PDZRN3: variants seen among roughly 807,000 people sequenced by gnomAD.
PDZRN3 encodes E3 ubiquitin-protein ligase PDZRN3.
Under a neutral mutation model 85.7 loss-of-function variants are expected in PDZRN3, and 38 were observed. The ratio of observed to expected loss-of-function variants is 0.44; its 90% CI spans 0.34 to 0.58. PDZRN3 has a LOEUF of 0.58. Among genes scored for constraint, PDZRN3 ranks in the 20% least tolerant of loss-of-function variants. The pLI is 0.01. For synonymous variants in PDZRN3, 759 were observed against 638.0 expected, an observed-to-expected ratio of 1.19 and a Z score of -2.86; for missense variants, 1,629 against 1,506.4, an observed-to-expected ratio of 1.08 and a Z score of -1.35.
intron 3 of PDZRN3, among the ~76,000 whole-genome samples, chr3:73,511,781 T>C (rs1378248483): frequency 2.0e-5 from 3 of 152,218 alleles, no homozygotes; most frequent in Admixed American, 6.5e-5. Context: ...CTCATTGTGC[T>C]TGGTTTAAAA....
At chr3:73,390,958 A>AG (rs1701512339) in intron 6 of PDZRN3, 60 bp downstream of exon 6, 6 of 975,652 alleles carry the variant, frequency 6.1e-6, no homozygotes, top group East Asian at 5.4e-5. Context: ...GGTGAACATG[A>AG]AAAAAAAAAC....
rs746611865 is a variant in PDZRN3, at chr3:73,383,934, G to T, written c.2632C>A (p.Gln878Lys). 1.0e-5 allele frequency: 16 copies of T among 1,607,714 alleles called. 1 individual carries two copies. The highest frequency in any genetic ancestry group is 1.4e-5 in the Non-Finnish European group (16 of 1,177,382). Residue 878 changes from glutamine to lysine, a missense_variant, in exon 10 of 10, where the codon CAG (glutamine) becomes AAG (lysine). By Grantham distance (53) the Gln-to-Lys change is moderately conservative (BLOSUM62 1). Transcript: ENST00000263666. ...YKHAHIPAHA[Q>K]HYQSYMQLIQ... ...AGCTGCATGTAGCTCTGGTAGTGCTGGGCGTGCGCCGGGATGTGCGCGTGC... is the reference window on the plus strand; with the variant it reads ...AGCTGCATGTAGCTCTGGTAGTGCTTGGCGTGCGCCGGGATGTGCGCGTGC...
chr3:73,413,402 A>C (rs1702011766), intron 3 of PDZRN3, among the ~76,000 whole-genome samples: 1 of 152,194 alleles, frequency 6.6e-6, no homozygotes, highest in Non-Finnish European at 1.5e-5. Flanking sequence ...TATGACACTG[A>C]ACGCCACACA....
chr3:73,427,117 T>C (rs1326526977), intron 3 of PDZRN3, among the ~76,000 whole-genome samples: 2 of 152,220 alleles, frequency 1.3e-5, no homozygotes, highest in Admixed American at 6.5e-5. Context: ...TTCCCTGAAG[T>C]TCACCAATGA....
chr3:73,579,357 C>A (rs1041110077), intron 3 of PDZRN3, among the ~76,000 whole-genome samples: 4 of 152,070 alleles, frequency 2.6e-5, no homozygotes, highest in African/African-American at 9.7e-5. Context: ...ATTATAACAA[C>A]CTACATAGAT....
rs1703244976 is a variant in PDZRN3, at chr3:73,467,534, C to G, written c.919-63139G>C. Among the ~76,000 whole-genome samples, 3 of 152,322 alleles carry G rather than the reference C, an allele frequency of 2.0e-5. No homozygotes were observed. In the South Asian group the frequency reaches 6.2e-4, roughly 32 times the overall value. ...AGGAAAGGCAGGCCTTGAGTTAACA[C>G]TGAGTCCCATAGCAAGAGGGTTTGG... On this transcript the variant is annotated intron_variant, in intron 3 of 9. Coordinates refer to ENST00000263666, the MANE Select transcript of PDZRN3 (RefSeq NM_015009.3).
intron 3 of PDZRN3, among the ~76,000 whole-genome samples, chr3:73,435,384 G>A (rs1237785870): frequency 6.6e-6 from 1 of 152,198 alleles, no homozygotes; most frequent in Non-Finnish European, 1.5e-5. Flanking sequence ...CACAGATGGG[G>A]CGGGGCAGCT....
chr3:73,450,509 G>A (rs778882248), intron 3 of PDZRN3, among the ~76,000 whole-genome samples: 6 of 152,146 alleles, frequency 3.9e-5, no homozygotes, highest in Non-Finnish European at 8.8e-5. Flanking sequence ...AATAAGTCAC[G>A]ATTCATTTTC....
At chr3:73,562,981 A>T (rs139588426) in intron 3 of PDZRN3, among the ~76,000 whole-genome samples, 2,101 of 57,532 alleles carry the variant, frequency 0.037, 53 homozygotes, top group Non-Finnish European at 0.047. Context: ...CAAGTTGGCA[A>T]ATTATATATA....
chr3:73,578,817 G>A (rs371044739), intron 3 of PDZRN3, among the ~76,000 whole-genome samples: 1 of 152,102 alleles, frequency 6.6e-6, no homozygotes, highest in Non-Finnish European at 1.5e-5. Context: ...TAATGAAGTG[G>A]AAAGAGTTTA....
At chr3:73,547,764 A>C (rs2106796505) in intron 3 of PDZRN3, among the ~76,000 whole-genome samples, 1 of 152,308 alleles carries the variant, frequency 6.6e-6, no homozygotes, top group African/African-American at 2.4e-5. Context: ...GCTGAAGCTA[A>C]GTCCACTGCA....
chr3:73,588,413 T>C (rs1356532237), intron 3 of PDZRN3, among the ~76,000 whole-genome samples: 1 of 152,216 alleles, frequency 6.6e-6, no homozygotes, highest in Non-Finnish European at 1.5e-5. Context: ...TTTATCCAAA[T>C]GTAACATAAA....
intron 3 of PDZRN3, among the ~76,000 whole-genome samples, chr3:73,554,593 C>G (rs1200263613): frequency 6.6e-6 from 1 of 152,172 alleles, no homozygotes; most frequent in Non-Finnish European, 1.5e-5. Context: ...ATACCATGGA[C>G]TGTCACACTG....
chr3:73,592,707 C>A (rs1425053937), intron 3 of PDZRN3, among the ~76,000 whole-genome samples: 1 of 152,146 alleles, frequency 6.6e-6, no homozygotes, highest in African/African-American at 2.4e-5. Context: ...AATCATTAAT[C>A]CTCATTAGAA....
intron 1 of PDZRN3, among the ~76,000 whole-genome samples, chr3:73,611,426 G>A (rs189101947): frequency 5.7e-4 from 87 of 152,298 alleles, no homozygotes; most frequent in Admixed American, 1.0e-3. Flanking sequence ...GAACAACTAA[G>A]CTGACCTTCT....
At chr3:73,559,891 T>C (rs924633884) in intron 3 of PDZRN3, among the ~76,000 whole-genome samples, 1 of 152,226 alleles carries the variant, frequency 6.6e-6, no homozygotes, top group Non-Finnish European at 1.5e-5. Flanking sequence ...AGTTCTTCCT[T>C]AGAGTCAATA....
intron 3 of PDZRN3, among the ~76,000 whole-genome samples, chr3:73,584,438 G>GTTAAGTGC (rs1702247248): frequency 6.7e-6 from 1 of 148,558 alleles, no homozygotes; most frequent in Non-Finnish European, 1.5e-5. Flanking sequence ...AAGTTAAGTG[G>GTTAAGTGC]TGCTTCATTT....
chr3:73,510,684 C>T (rs1034354585), intron 3 of PDZRN3, among the ~76,000 whole-genome samples: 7 of 152,152 alleles, frequency 4.6e-5, no homozygotes, highest in African/African-American at 1.7e-4. Context: ...TCCCCCTTAT[C>T]CTCTAGGGAT....
rs1179984554 is a variant in PDZRN3 at position 73,382,643 on chromosome 3, C to A, written c.*722G>T. ...GCACTTAAAATTCCACAAACCGTCT[C>A]CATCCACAACTTTCCTGTACATGCA... On this transcript the variant is annotated 3_prime_UTR_variant, in exon 10 of 10. Transcript: ENST00000263666. The A allele has an allele frequency of 6.5e-6, 1 of 152,674 alleles. No individual in the cohort carries two copies. The highest frequency in any genetic ancestry group is 1.5e-5 in the Non-Finnish European group (1 of 68,052). 9.5% of individuals were successfully genotyped at this position (152,674 alleles called of 1,614,324 possible).
Sources: gnomAD v4.1 joint callset for allele counts (sites outside exome capture counted in the v4.1 genomes callset) on GRCh38, gnomAD v4.1.1 for gene constraint, MANE v1.5 for transcripts, NCBI Gene and HGNC (gene_info 2026-07-23, HGNC 2026-07-21) for gene names.